Variants in PRKD1 observed in about 807,000 individuals in gnomAD.
PRKD1 encodes the protein serine/threonine-protein kinase D1.
PRKD1 carries 63 observed loss-of-function variants against 95.9 expected under a neutral mutation model. The ratio of observed to expected loss-of-function variants is 0.66; its 90% confidence interval spans 0.54 to 0.81. The LOEUF (loss-of-function observed/expected upper bound fraction) is 0.81. PRKD1 is among the 30% of genes least tolerant of loss of function. The pLI is 0.00. For missense variants in PRKD1, 1,048 were observed against 1,165.3 expected (o/e 0.90, Z 1.47); for synonymous variants, 425 against 423.1 (o/e 1.00, Z -0.05).
intron 16 of PRKD1, among the ~76,000 whole-genome samples, chr14:29,583,248 G>A (rs1420919463): frequency 6.6e-6 from 1 of 152,140 alleles, no homozygotes; most frequent in Non-Finnish European, 1.5e-5. Context: ...GGAACATAGT[G>A]CGGTCTTTCA....
At chr14:29,802,795 C>A (rs1470508918) in intron 1 of PRKD1, among the ~76,000 whole-genome samples, 1 of 152,202 alleles carries the variant, frequency 6.6e-6, no homozygotes, top group African/African-American at 2.4e-5. Context: ...AATTGAGCAA[C>A]TTTCCAGTTT....
chr14:29,922,173 C>T (rs914504782), intron 1 of PRKD1, among the ~76,000 whole-genome samples: 12 of 151,870 alleles, frequency 7.9e-5, no homozygotes, highest in South Asian at 2.1e-4. Flanking sequence ...TGGTGGCAGG[C>T]GCCTGTAGTC....
chr14:29,758,893 C>T (rs1887836776), intron 1 of PRKD1, among the ~76,000 whole-genome samples: 1 of 152,182 alleles, frequency 6.6e-6, no homozygotes, highest in Admixed American at 6.5e-5. Flanking sequence ...CAGTTATTTT[C>T]CATACTGCAA....
At chr14:29,813,912 G>C (rs1400939717) in intron 1 of PRKD1, among the ~76,000 whole-genome samples, 2 of 152,180 alleles carry the variant, frequency 1.3e-5, no homozygotes, top group African/African-American at 4.8e-5. Flanking sequence ...GATCAAATTA[G>C]TTTTGCCACT....
At chr14:29,785,186 C>T (rs1412057032) in intron 1 of PRKD1, among the ~76,000 whole-genome samples, 1 of 152,146 alleles carries the variant, frequency 6.6e-6, no homozygotes, top group Non-Finnish European at 1.5e-5. Context: ...ACCCAACCTG[C>T]CCTTTTCATC....
intron 2 of PRKD1, among the ~76,000 whole-genome samples, chr14:29,719,728 A>G (rs1439378744): frequency 1.3e-5 from 2 of 152,196 alleles, no homozygotes; most frequent in African/African-American, 4.8e-5. Flanking sequence ...CTGTGATATT[A>G]TGTAAGCAAA....
chr14:29,909,172 C>G (rs1316339674), intron 1 of PRKD1, among the ~76,000 whole-genome samples: 2 of 152,158 alleles, frequency 1.3e-5, no homozygotes, highest in Admixed American at 1.3e-4. Flanking sequence ...CCAGGTCCCC[C>G]AGCAGTGCCA....
At chr14:29,927,132 C>T in intron 1 of PRKD1, 117 bp downstream of exon 1, 1 of 1,139,268 alleles carries the variant, frequency 8.8e-7, no homozygotes, top group Non-Finnish European at 1.1e-6. Context: ...AGAGCGCCGG[C>T]GAGGCTGGCG....
In PRKD1 at chr14:29,927,500, G is replaced by C. The variant is rs954921933; in HGVS notation, c.13C>G (p.Pro5Ala). The change falls in exon 1 of 18, where the codon CCG becomes GCG. Residue 5 changes from proline to alanine, a missense_variant. By Grantham distance (27) the Pro-to-Ala change is conservative (BLOSUM62 -1). This residue lies in a region of PRKD1 where 34 missense variants were observed against 54.8 expected (regional missense o/e 0.62). Transcript: ENST00000331968. Reference protein sequence around the residue: MSAPPVLRPPSPLLP... With the variant: MSAPAVLRPPSPLLP... ...AGCGGACTGGGCGGCCGCAGGACCGGAGGGGCGCTCATCGCTCGGCGGGGC... is the reference window on the plus strand; with the variant it reads ...AGCGGACTGGGCGGCCGCAGGACCGCAGGGGCGCTCATCGCTCGGCGGGGC... 37 of 1,205,370 alleles carry C rather than the reference G, an allele frequency of 3.1e-5. No homozygotes were observed. The highest frequency in any genetic ancestry group is 3.8e-5 in the Non-Finnish European group (37 of 973,392). 74.7% of individuals were successfully genotyped at this position (1,205,370 alleles called of 1,614,324 possible).
At chr14:29,752,008 C>T (rs1248882254) in intron 1 of PRKD1, among the ~76,000 whole-genome samples, 1 of 152,134 alleles carries the variant, frequency 6.6e-6, no homozygotes, top group Non-Finnish European at 1.5e-5. Context: ...GAAGTTCTGA[C>T]AGAAATATTT....
intron 1 of PRKD1, among the ~76,000 whole-genome samples, chr14:29,848,849 T>C (rs1357965342): frequency 6.6e-6 from 1 of 152,116 alleles, no homozygotes; most frequent in East Asian, 1.9e-4. Flanking sequence ...AATAAAATAA[T>C]ATATGGCAAA....
chr14:29,882,883 A>T (rs921265843), intron 1 of PRKD1, among the ~76,000 whole-genome samples: 2 of 152,204 alleles, frequency 1.3e-5, no homozygotes, highest in Non-Finnish European at 2.9e-5. Flanking sequence ...GTGCACGTGT[A>T]TACCACGTTT....
intron 1 of PRKD1, among the ~76,000 whole-genome samples, chr14:29,854,249 C>A (rs1293323065): frequency 6.6e-6 from 1 of 152,162 alleles, no homozygotes; most frequent in African/African-American, 2.4e-5. Flanking sequence ...AAGTTTGGAA[C>A]TTCCTAGAGA....
chr14:29,619,445 C>G (rs561726301), intron 13 of PRKD1, among the ~76,000 whole-genome samples: 1 of 152,042 alleles, frequency 6.6e-6, no homozygotes, highest in Non-Finnish European at 1.5e-5. Context: ...TATTTAGCAG[C>G]TAATATATGC....
chr14:29,909,405 T>C (rs57681883), intron 1 of PRKD1, among the ~76,000 whole-genome samples: 35,290 of 151,692 alleles, frequency 0.23, 7,835 homozygotes, highest in African/African-American at 0.59. Context: ...GGGCACACGG[T>C]GCAGGACTGA....
At chr14:29,719,938 T>C (rs895234745) in intron 2 of PRKD1, among the ~76,000 whole-genome samples, 1 of 152,166 alleles carries the variant, frequency 6.6e-6, no homozygotes, top group Non-Finnish European at 1.5e-5. Context: ...AACTTGGGCA[T>C]GATTTTGGAG....
chr14:29,809,040 T>G (rs1379235221), intron 1 of PRKD1, among the ~76,000 whole-genome samples: 2 of 152,240 alleles, frequency 1.3e-5, no homozygotes, highest in Non-Finnish European at 2.9e-5. Context: ...TGGAGTTCCA[T>G]TAGCAGCTAT....
intron 10 of PRKD1, among the ~76,000 whole-genome samples, chr14:29,629,437 G>A (rs898143411): frequency 3.9e-5 from 6 of 152,116 alleles, no homozygotes; most frequent in Admixed American, 6.5e-5. Flanking sequence ...CAGGCAAATC[G>A]TTAAAGTCTA....
intron 1 of PRKD1, among the ~76,000 whole-genome samples, chr14:29,752,603 G>A (rs1887529531): frequency 6.6e-6 from 1 of 151,144 alleles, no homozygotes. Context: ...TTTCTGAAAT[G>A]TTTGTACCAA....
Sources: gnomAD v4.1 joint callset for allele counts (sites outside exome capture counted in the v4.1 genomes callset) on GRCh38, gnomAD v4.1.1 for gene constraint, gnomAD v4.1.1 regional missense constraint, MANE v1.5 for transcripts, NCBI Gene and HGNC (gene_info 2026-07-23, HGNC 2026-07-21) for gene names.